Variants in LINGO2 observed in about 807,000 individuals in gnomAD.
LINGO2 encodes the protein leucine-rich repeat and immunoglobulin-like domain-containing nogo receptor-interacting protein 2.
In LINGO2, 14 loss-of-function variants were observed where a neutral mutation model predicts 30.6. That is an observed-to-expected ratio of 0.46 (90% CI 0.30 to 0.72). The LOEUF (loss-of-function observed/expected upper bound fraction) is 0.72, where lower values mean the gene tolerates loss of function less well. Ranked by LOEUF, LINGO2 falls within the 30% of genes least tolerant of loss-of-function variation. The pLI is 0.07. For synonymous variants in LINGO2, 317 were observed against 288.5 expected (o/e 1.10, Z -1.00); for missense variants, 729 against 751.7 (o/e 0.97, Z 0.35).
At chr9:28,699,480 T>C in the LINGO2 span, among the ~76,000 whole-genome samples, 1 of 152,018 alleles carries the variant, frequency 6.6e-6, no homozygotes, top group Non-Finnish European at 1.5e-5. Flanking sequence ...ACTGTGATGA[T>C]TGGGTTAACT....
At chr9:28,253,994 A>G (rs1822297490) in intron 4 of LINGO2, among the ~76,000 whole-genome samples, 1 of 151,936 alleles carries the variant, frequency 6.6e-6, no homozygotes, top group Admixed American at 6.6e-5. Flanking sequence ...TGTTCAGGAG[A>G]GAGTCCTTTT....
intron 1 of LINGO2, among the ~76,000 whole-genome samples, chr9:28,544,240 A>C (rs1821832462): frequency 6.6e-6 from 1 of 152,038 alleles, no homozygotes; most frequent in Admixed American, 6.6e-5. Context: ...AATAAATAAT[A>C]ATTGCTCAAA....
At chr9:28,597,662 T>C (rs1361445616) in intron 1 of LINGO2, among the ~76,000 whole-genome samples, 1 of 152,220 alleles carries the variant, frequency 6.6e-6, no homozygotes, top group East Asian at 1.9e-4. Context: ...TAAGATATTG[T>C]ATAGTCATAG....
the LINGO2 span, among the ~76,000 whole-genome samples, chr9:29,148,162 A>C: frequency 6.6e-6 from 1 of 152,086 alleles, no homozygotes; most frequent in African/African-American, 2.4e-5. Context: ...TTCAATGTGT[A>C]TGTCTCCTTT....
At chr9:28,281,150 T>C (rs955406268) in intron 4 of LINGO2, among the ~76,000 whole-genome samples, 1 of 152,124 alleles carries the variant, frequency 6.6e-6, no homozygotes, top group South Asian at 2.1e-4. Context: ...CAGATGCATG[T>C]ACAGACAGGG....
the LINGO2 span, among the ~76,000 whole-genome samples, chr9:28,711,891 T>C: frequency 1.3e-5 from 2 of 152,130 alleles, no homozygotes; most frequent in African/African-American, 4.8e-5. Context: ...CGTATAGGAA[T>C]AAGGCAATGA....
chr9:29,046,724 A>G, the LINGO2 span, among the ~76,000 whole-genome samples: 1 of 152,128 alleles, frequency 6.6e-6, no homozygotes, highest in East Asian at 1.9e-4. Flanking sequence ...AATCACAACA[A>G]AAGCAAAAAT....
the LINGO2 span, among the ~76,000 whole-genome samples, chr9:28,675,905 G>GTGTATATATATATA: frequency 7.9e-6 from 1 of 126,064 alleles, no homozygotes; most frequent in Non-Finnish European, 1.7e-5. Context: ...GTGTGTGTAT[G>GTGTATATATATATA]TATATATATA....
the LINGO2 span, among the ~76,000 whole-genome samples, chr9:28,769,616 T>C: frequency 6.8e-6 from 1 of 146,616 alleles, no homozygotes; most frequent in South Asian, 2.1e-4. Context: ...TTGCCTATCC[T>C]GTACTACAAT....
upstream of LINGO2, among the ~76,000 whole-genome samples, chr9:28,673,232 T>A (rs1054838535): frequency 2.0e-5 from 3 of 152,150 alleles, no homozygotes; most frequent in African/African-American, 4.8e-5. Context: ...AAGTTTACAG[T>A]GATGGGGCAT....
intron 4 of LINGO2, among the ~76,000 whole-genome samples, chr9:28,031,015 A>G (rs1415392286): frequency 6.6e-6 from 1 of 152,164 alleles, no homozygotes; most frequent in Non-Finnish European, 1.5e-5. Context: ...GATTTAAATG[A>G]TATGATCAAT....
the LINGO2 span, among the ~76,000 whole-genome samples, chr9:28,873,706 A>T: frequency 6.6e-6 from 1 of 152,100 alleles, no homozygotes; most frequent in Non-Finnish European, 1.5e-5. Flanking sequence ...TTGCAGAAAA[A>T]GACTAAAGGA....
the LINGO2 span, among the ~76,000 whole-genome samples, chr9:28,960,991 G>C: frequency 1.3e-5 from 2 of 152,210 alleles, no homozygotes; most frequent in Admixed American, 1.3e-4. Flanking sequence ...CACCATAGCT[G>C]TCTTTAAAAT....
At chr9:28,392,546 G>A (rs994863924) in intron 2 of LINGO2, among the ~76,000 whole-genome samples, 6 of 152,148 alleles carry the variant, frequency 3.9e-5, no homozygotes, top group African/African-American at 1.2e-4. Flanking sequence ...CAGGTGCACG[G>A]ACCTTCCATG....
intron 1 of LINGO2, among the ~76,000 whole-genome samples, chr9:28,565,272 C>A (rs567687210): frequency 1.3e-5 from 2 of 151,824 alleles, no homozygotes; most frequent in Admixed American, 1.3e-4. Context: ...ATTACAAGCT[C>A]CGCCTCCTGG....
At chr9:29,082,611 C>T in the LINGO2 span, among the ~76,000 whole-genome samples, 19 of 152,058 alleles carry the variant, frequency 1.2e-4, no homozygotes, top group South Asian at 8.3e-4. Flanking sequence ...AGCTTCTGCA[C>T]GGCAAAAGAA....
intron 4 of LINGO2, among the ~76,000 whole-genome samples, chr9:28,285,311 G>A (rs551859814): frequency 6.6e-6 from 1 of 150,454 alleles, no homozygotes; most frequent in African/African-American, 2.4e-5. Context: ...CTCATTTAAT[G>A]CTTACAATTG....
At chr9:29,133,280 T>A in the LINGO2 span, among the ~76,000 whole-genome samples, 2 of 152,138 alleles carry the variant, frequency 1.3e-5, no homozygotes, top group East Asian at 3.9e-4. Context: ...AAAAGCAAAG[T>A]GGTGGTGGGA....
chr9:29,032,641 T>C, the LINGO2 span, among the ~76,000 whole-genome samples: 5 of 152,294 alleles, frequency 3.3e-5, no homozygotes, highest in South Asian at 8.3e-4. Flanking sequence ...CTCAGTTACA[T>C]GAAATGAGCA....
Sources: gnomAD v4.1 joint callset for allele counts (sites outside exome capture counted in the v4.1 genomes callset) on GRCh38, gnomAD v4.1.1 for gene constraint, MANE v1.5 for transcripts, NCBI Gene and HGNC (gene_info 2026-07-23, HGNC 2026-07-21) for gene names.